The following LIN28B variants were observed in gnomAD, a reference collection of about 807,000 sequenced individuals.
LIN28B encodes the protein protein lin-28 homolog B.
A neutral mutation model predicts 21.9 loss-of-function variants in LIN28B; 5 were observed. The observed-to-expected ratio is 0.23, with a 90% CI of 0.12 to 0.48. The LOEUF is 0.48. Among genes scored for constraint, LIN28B ranks in the 20% least tolerant of loss-of-function variants. The pLI is 0.98. For missense variants in LIN28B, 245 were observed against 310.5 expected (o/e 0.79, Z 1.58); for synonymous variants, 109 against 111.3 (o/e 0.98, Z 0.13).
intron 3 of LIN28B, chr6:105,058,158 A>G (rs1433856004): frequency 6.6e-6 from 2 of 304,718 alleles, no homozygotes; most frequent in Non-Finnish European, 1.3e-5. Flanking sequence ...ACTTGTACCA[A>G]CTGGGAACCA....
chr6:105,049,925 A>G (rs1406487443), intron 3 of LIN28B, among the ~76,000 whole-genome samples: 1 of 152,182 alleles, frequency 6.6e-6, no homozygotes, highest in African/African-American at 2.4e-5. Context: ...TCCTGAATAC[A>G]GCACACTGAT....
At position 104,958,274 on chromosome 6, in the gene LIN28B, A is replaced by G; in HGVS notation, c.186A>G (p.Val62=). 10 of 1,554,084 alleles carry G rather than the reference A, an allele frequency of 6.4e-6. No individual in the cohort carries two copies. The highest frequency in any genetic ancestry group is 8.8e-6 in the Non-Finnish European group (10 of 1,138,138). The change falls in exon 2 of 4, where the codon GTA becomes GTG. Residue 62 remains valine, a synonymous_variant. Transcript: ENST00000345080. ...GCCCCTTGGATATTCCAGTCGATGT[A>G]TTTGTACACCAAGTAAGCCAAACTT... The part of the protein sequence containing the change: ...EGSPLDIPVD[V]FVHQSKLFME...
intron 3 of LIN28B, among the ~76,000 whole-genome samples, chr6:105,068,496 G>C (rs1357046955): frequency 6.6e-6 from 1 of 152,148 alleles, no homozygotes; most frequent in East Asian, 1.9e-4. Flanking sequence ...GGGAGACATA[G>C]AGTATTCATT....
chr6:105,049,643 C>G (rs545440942), intron 3 of LIN28B, among the ~76,000 whole-genome samples: 55 of 151,272 alleles, frequency 3.6e-4, no homozygotes, highest in African/African-American at 1.3e-3. Context: ...GTCTAAGTCT[C>G]TTTGTAGTTC....
intron 3 of LIN28B, among the ~76,000 whole-genome samples, chr6:105,035,672 A>G (rs1440558923): frequency 6.6e-6 from 1 of 152,200 alleles, no homozygotes; most frequent in Non-Finnish European, 1.5e-5. Context: ...GGTTTACTTC[A>G]AGGTACTATT....
intron 2 of LIN28B, among the ~76,000 whole-genome samples, chr6:104,938,801 A>G (rs1274869288): frequency 3.3e-5 from 5 of 152,142 alleles, no homozygotes; most frequent in African/African-American, 1.2e-4. Context: ...CGGGTACCTT[A>G]TATGAAATAA....
At chr6:104,944,265 T>C (rs1243700825) in intron 2 of LIN28B, among the ~76,000 whole-genome samples, 1 of 152,150 alleles carries the variant, frequency 6.6e-6, no homozygotes, top group Non-Finnish European at 1.5e-5. Flanking sequence ...GGATCAATGC[T>C]AGAGGTTTTC....
intron 2 of LIN28B, among the ~76,000 whole-genome samples, chr6:105,009,441 G>A (rs1456815386): frequency 2.0e-5 from 3 of 152,106 alleles, no homozygotes; most frequent in East Asian, 3.8e-4. Context: ...GAAAGCCAAA[G>A]TTTTGGGGTT....
At chr6:105,040,958 C>G (rs1334460242) in intron 3 of LIN28B, among the ~76,000 whole-genome samples, 1 of 152,112 alleles carries the variant, frequency 6.6e-6, no homozygotes, top group Non-Finnish European at 1.5e-5. Flanking sequence ...GTTGCCCAGG[C>G]TGGAGCACAG....
intron 3 of LIN28B, among the ~76,000 whole-genome samples, chr6:105,070,255 T>C (rs1582932034): frequency 2.0e-5 from 3 of 152,314 alleles, no homozygotes; most frequent in African/African-American, 7.2e-5. Context: ...CATTAGTATT[T>C]TTTGAAAGCT....
At chr6:105,068,939 G>A (rs916733627) in intron 3 of LIN28B, among the ~76,000 whole-genome samples, 8 of 152,108 alleles carry the variant, frequency 5.3e-5, no homozygotes, top group Non-Finnish European at 1.0e-4. Flanking sequence ...AACAGAGGCC[G>A]CATGCAGTGG....
At chr6:105,069,280 G>T (rs989405949) in intron 3 of LIN28B, among the ~76,000 whole-genome samples, 2 of 152,116 alleles carry the variant, frequency 1.3e-5, no homozygotes, top group Admixed American at 1.3e-4. Context: ...GTTTGCAAGA[G>T]CATGTCCATA....
At chr6:104,978,857 A>G (rs1412682980) in intron 2 of LIN28B, among the ~76,000 whole-genome samples, 1 of 152,172 alleles carries the variant, frequency 6.6e-6, no homozygotes, top group Non-Finnish European at 1.5e-5. Context: ...CCACTGGGAA[A>G]AGTGGCTCCA....
chr6:104,955,780 G>A (rs1035801660), upstream of LIN28B, among the ~76,000 whole-genome samples: 1 of 150,932 alleles, frequency 6.6e-6, no homozygotes, highest in African/African-American at 2.4e-5. Flanking sequence ...TGGGGGGTGG[G>A]GTAGGCAAGT....
upstream of LIN28B, among the ~76,000 whole-genome samples, chr6:104,954,586 C>T (rs1484604162): frequency 6.6e-6 from 1 of 152,056 alleles, no homozygotes; most frequent in Non-Finnish European, 1.5e-5. Flanking sequence ...TTAAATTCTT[C>T]ATGAACGAAT....
intron 2 of LIN28B, among the ~76,000 whole-genome samples, chr6:104,950,142 A>T (rs778202308): frequency 7.4e-4 from 112 of 152,318 alleles, no homozygotes; most frequent in Non-Finnish European, 1.4e-3. Context: ...CTAGTATTTT[A>T]AAATTACAGT....
At chr6:104,990,248 G>C in intron 2 of LIN28B, among the ~76,000 whole-genome samples, 1 of 151,038 alleles carries the variant, frequency 6.6e-6, no homozygotes, top group East Asian at 1.9e-4. Flanking sequence ...TGTGGTCATA[G>C]TATGTGCATT....
chr6:105,078,677 A>C lies in LIN28B; in HGVS notation c.647A>C (p.Glu216Ala). 6.2e-7 allele frequency: 1 copy of C among 1,614,148 alleles called. No individual in the cohort carries two copies. The highest frequency in any genetic ancestry group is 8.5e-7 in the Non-Finnish European group (1 of 1,180,032). ...FPQEARAEIS[E>A]RSGRSPQEAS... ...CAGGAGGCTAGGGCAGAGATCTCAG[A>C]ACGGTCAGGCAGGTCACCTCAAGAA... The change falls in exon 4 of 4, where the codon GAA becomes GCA. Residue 216 changes from glutamate to alanine, a missense_variant. Transcript: ENST00000345080.
At chr6:105,013,634 G>A (rs1258108295) in intron 2 of LIN28B, among the ~76,000 whole-genome samples, 1 of 151,732 alleles carries the variant, frequency 6.6e-6, no homozygotes, top group Non-Finnish European at 1.5e-5. Flanking sequence ...AGAGATTGAG[G>A]TGGGAGGATT....
Sources: allele counts gnomAD v4.1 joint callset (sites outside exome capture counted in the v4.1 genomes callset), GRCh38; gene constraint gnomAD v4.1.1; transcripts MANE v1.5; gene names NCBI Gene and HGNC (gene_info 2026-07-23, HGNC 2026-07-21).